The following ADK variants were observed in gnomAD, a reference collection of about 807,000 sequenced individuals.
The protein encoded by ADK is adenosine kinase.
ADK carries 24 observed loss-of-function variants against 44.7 expected under a neutral mutation model. The ratio of observed to expected loss-of-function variants is 0.54; its 90% confidence interval spans 0.39 to 0.76. The LOEUF (loss-of-function observed/expected upper bound fraction) is 0.76. Among genes scored for constraint, ADK ranks in the 30% least tolerant of loss-of-function variants. ADK has a pLI of 0.00. For missense variants in ADK, 321 were observed against 425.1 expected (o/e 0.76, Z 2.15); for synonymous variants, 128 against 142.6 (o/e 0.90, Z 0.73).
intron 1 of ADK, among the ~76,000 whole-genome samples, chr10:74,152,796 GT>G (rs1352397028): frequency 6.6e-5 from 10 of 152,168 alleles, no homozygotes; most frequent in African/African-American, 2.4e-4. Context: ...AGCTGAGCAT[GT>G]TTTCTTATAC....
intron 3 of ADK, among the ~76,000 whole-genome samples, chr10:74,311,736 T>C (rs1840439403): frequency 6.6e-6 from 1 of 152,174 alleles, no homozygotes; most frequent in Admixed American, 6.5e-5. Flanking sequence ...GTGATCAGAA[T>C]AAAAGATGTG....
chr10:74,246,452 A>G (rs1464704120), intron 3 of ADK, among the ~76,000 whole-genome samples: 1 of 152,212 alleles, frequency 6.6e-6, no homozygotes, highest in East Asian at 1.9e-4. Context: ...ATAGACAGAA[A>G]GGGCTGAAGA....
At chr10:74,287,336 C>G (rs12569695) in intron 3 of ADK, among the ~76,000 whole-genome samples, 1 of 151,890 alleles carries the variant, frequency 6.6e-6, no homozygotes. Flanking sequence ...TGGTGGTGCA[C>G]GCCTGTAATC....
chr10:74,555,078 C>T (rs372129109), intron 7 of ADK, among the ~76,000 whole-genome samples: 7 of 152,168 alleles, frequency 4.6e-5, no homozygotes, highest in African/African-American at 1.7e-4. Flanking sequence ...AGGAAGATCA[C>T]TTGAGCCCAG....
chr10:74,389,038 A>G (rs1843251140), intron 4 of ADK, among the ~76,000 whole-genome samples: 1 of 152,210 alleles, frequency 6.6e-6, no homozygotes, highest in African/African-American at 2.4e-5. Context: ...CAGAGATCAC[A>G]GTCCTACCAT....
intron 6 of ADK, among the ~76,000 whole-genome samples, chr10:74,500,822 T>A (rs935055898): frequency 1.3e-5 from 2 of 152,168 alleles, no homozygotes; most frequent in African/African-American, 4.8e-5. Flanking sequence ...TAGATATTAA[T>A]CCTGCAGCAA....
intron 6 of ADK, among the ~76,000 whole-genome samples, chr10:74,407,440 C>T (rs10762608): frequency 0.64 from 97,413 of 151,992 alleles, 32,621 homozygotes; most frequent in Middle Eastern, 0.8. Context: ...CATGTGCTTT[C>T]GGAATGTTGT....
intron 4 of ADK, among the ~76,000 whole-genome samples, chr10:74,357,079 A>G (rs189770237): frequency 1.1e-3 from 162 of 152,312 alleles, no homozygotes; most frequent in Middle Eastern, 3.4e-3. Flanking sequence ...TGTATGCACT[A>G]GTAACATCCA....
intron 7 of ADK, chr10:74,528,275 T>C (rs1378331595): frequency 3.1e-5 from 8 of 257,968 alleles, no homozygotes; most frequent in Middle Eastern, 1.1e-3. Context: ...GTGACAACAC[T>C]GAACTTATAA....
At chr10:74,586,855 A>C (rs1851542079) in intron 7 of ADK, among the ~76,000 whole-genome samples, 1 of 136,510 alleles carries the variant, frequency 7.3e-6, no homozygotes. Context: ...GCTCTGTCTC[A>C]AAAAAAAAAA....
chr10:74,572,197 T>G (rs1307505774), intron 7 of ADK, among the ~76,000 whole-genome samples: 1 of 152,216 alleles, frequency 6.6e-6, no homozygotes, highest in Non-Finnish European at 1.5e-5. Context: ...AGGGCAGGCC[T>G]GATGGTGACA....
intron 7 of ADK, among the ~76,000 whole-genome samples, chr10:74,544,187 T>G (rs1167216046): frequency 6.6e-6 from 1 of 152,238 alleles, no homozygotes; most frequent in Non-Finnish European, 1.5e-5. Context: ...ATGTGTTCCT[T>G]TACAGCAGTG....
At chr10:74,575,002 A>G (rs897478539) in intron 7 of ADK, among the ~76,000 whole-genome samples, 16 of 152,224 alleles carry the variant, frequency 1.1e-4, no homozygotes, top group African/African-American at 3.6e-4. Context: ...ACAGAGTACA[A>G]ATAAATTATA....
intron 3 of ADK, among the ~76,000 whole-genome samples, chr10:74,270,671 C>T (rs1233322668): frequency 2.0e-5 from 3 of 152,174 alleles, no homozygotes; most frequent in Non-Finnish European, 4.4e-5. Flanking sequence ...AACGTAAGTA[C>T]AGTAGGAGAC....
intron 9 of ADK, among the ~76,000 whole-genome samples, chr10:74,613,297 G>T (rs540534705): frequency 6.6e-6 from 1 of 152,136 alleles, no homozygotes; most frequent in Admixed American, 6.6e-5. Context: ...TCCTCCACCT[G>T]TCACTTTGAG....
chr10:74,171,808 C>CTGTGTGTG (rs548797359), intron 1 of ADK, among the ~76,000 whole-genome samples: 344 of 142,606 alleles, frequency 2.4e-3, no homozygotes, highest in African/African-American at 9.0e-3. Context: ...CTCTCTGTCT[C>CTGTGTGTG]TCTGTGTGTG....
At chr10:74,516,744 G>C (rs1434246398) in intron 6 of ADK, 1 of 152,228 alleles carries the variant, frequency 6.6e-6, no homozygotes, top group Admixed American at 6.6e-5. Context: ...GGCTGGTTTT[G>C]AACTCCTGAC....
At chr10:74,525,568 C>T (rs1313164506) in intron 7 of ADK, 142 bp downstream of exon 7, 1 of 707,146 alleles carries the variant, frequency 1.4e-6, no homozygotes, top group African/African-American at 1.8e-5. Context: ...ACAAAATTGC[C>T]TCAATGTCAA....
chr10:74,355,945 T>A (rs1842121672), intron 4 of ADK, among the ~76,000 whole-genome samples: 1 of 151,546 alleles, frequency 6.6e-6, no homozygotes. Context: ...CTACCAAGGA[T>A]ACCTCTGTGT....
Sources: allele counts gnomAD v4.1 joint callset (sites outside exome capture counted in the v4.1 genomes callset), GRCh38; gene constraint gnomAD v4.1.1; transcripts MANE v1.5; gene names NCBI Gene and HGNC (gene_info 2026-07-23, HGNC 2026-07-21).